Variants in TP63 observed in about 807,000 individuals in gnomAD.
TP63 encodes the protein tumor protein p63, also known as tumor protein 63.
Under a neutral mutation model 82.8 loss-of-function variants are expected in TP63, and 17 were observed. The observed-to-expected ratio is 0.21, with a 90% CI of 0.14 to 0.31. TP63 has a LOEUF of 0.31. Ranked by LOEUF, TP63 falls within the 10% of genes least tolerant of loss-of-function variation. TP63 has a pLI of 1.00. For synonymous variants in TP63, 330 were observed against 321.7 expected, an observed-to-expected ratio of 1.03 and a Z score of -0.28; for missense variants, 648 against 895.3, an observed-to-expected ratio of 0.72 and a Z score of 3.52.
the TP63 span, among the ~76,000 whole-genome samples, chr3:189,618,030 G>A: frequency 2.6e-5 from 4 of 152,186 alleles, no homozygotes; most frequent in Non-Finnish European, 5.9e-5. Context: ...GTCAACAGCA[G>A]TAGGCTGCAT....
chr3:189,759,142 C>T (rs77854268), intron 3 of TP63, among the ~76,000 whole-genome samples: 3,763 of 152,222 alleles, frequency 0.025, 157 homozygotes, highest in African/African-American at 0.085. Context: ...AGTTTAATTC[C>T]GTGGTTCTCA....
At chr3:189,858,680 G>A (rs1406325991) in intron 4 of TP63, among the ~76,000 whole-genome samples, 5 of 152,176 alleles carry the variant, frequency 3.3e-5, no homozygotes, top group African/African-American at 1.2e-4. Flanking sequence ...TCAGGAGGCT[G>A]AAATGGGAGA....
At chr3:189,648,590 GA>G (rs949029902) in intron 1 of TP63, among the ~76,000 whole-genome samples, 1 of 146,858 alleles carries the variant, frequency 6.8e-6, no homozygotes, top group Non-Finnish European at 1.5e-5. Context: ...CAAGCTTATT[GA>G]AAAAAAGAAA....
chr3:189,859,208 G>A (rs769430685), intron 4 of TP63, among the ~76,000 whole-genome samples: 18 of 152,078 alleles, frequency 1.2e-4, no homozygotes, highest in Non-Finnish European at 1.9e-4. Flanking sequence ...ATATAGACAT[G>A]TATCAAAACA....
chr3:189,617,135 C>A, the TP63 span, among the ~76,000 whole-genome samples: 1 of 152,326 alleles, frequency 6.6e-6, no homozygotes, highest in East Asian at 1.9e-4. Context: ...ATCCCCCACC[C>A]TCTGGAATGC....
At chr3:189,617,855 A>G in the TP63 span, among the ~76,000 whole-genome samples, 2 of 152,194 alleles carry the variant, frequency 1.3e-5, no homozygotes, top group South Asian at 4.1e-4. Context: ...AAAAGTGACA[A>G]CTAAGTGGGT....
intron 3 of TP63, among the ~76,000 whole-genome samples, chr3:189,763,579 C>G (rs1722737185): frequency 6.6e-6 from 1 of 152,166 alleles, no homozygotes; most frequent in South Asian, 2.1e-4. Context: ...CTGTAAAGAG[C>G]AGAAATTCTG....
intron 1 of TP63, among the ~76,000 whole-genome samples, chr3:189,646,618 T>A (rs968394041): frequency 6.8e-6 from 1 of 146,676 alleles, no homozygotes; most frequent in Non-Finnish European, 1.5e-5. Context: ...CCCACCACCA[T>A]ACACCTTTCC....
intron 3 of TP63, among the ~76,000 whole-genome samples, chr3:189,769,456 C>CT (rs998049492): frequency 2.6e-5 from 4 of 152,258 alleles, no homozygotes; most frequent in African/African-American, 9.6e-5. Context: ...CAAGCCAGCT[C>CT]TACCATGAGT....
the TP63 span, among the ~76,000 whole-genome samples, chr3:189,603,283 G>A: frequency 2.6e-5 from 4 of 152,044 alleles, no homozygotes; most frequent in Non-Finnish European, 5.9e-5. Context: ...TATGTGCCCA[G>A]GCCAGTCCCT....
At chr3:189,769,056 TG>T (rs984959081) in intron 3 of TP63, among the ~76,000 whole-genome samples, 3 of 152,170 alleles carry the variant, frequency 2.0e-5, no homozygotes, top group Non-Finnish European at 4.4e-5. Flanking sequence ...ATTTGTAAAT[TG>T]TGGATTATAA....
At chr3:189,745,478 G>A (rs1281052279) in intron 3 of TP63, among the ~76,000 whole-genome samples, 2 of 151,904 alleles carry the variant, frequency 1.3e-5, no homozygotes, top group Non-Finnish European at 2.9e-5. Context: ...GGAGGCTGAG[G>A]CGGGCAGATC....
intron 1 of TP63, among the ~76,000 whole-genome samples, chr3:189,676,321 G>A (rs189422274): frequency 1.2e-4 from 18 of 151,800 alleles, no homozygotes; most frequent in East Asian, 7.8e-4. Flanking sequence ...CCCATTTTTC[G>A]TACTCCCAAA....
intron 3 of TP63, among the ~76,000 whole-genome samples, chr3:189,793,895 A>T (rs950995516): frequency 7.9e-5 from 12 of 152,128 alleles, no homozygotes; most frequent in African/African-American, 2.7e-4. Flanking sequence ...ATTATTGTCC[A>T]GTGCCAATTT....
chr3:189,770,955 A>G (rs1374826695), intron 3 of TP63, among the ~76,000 whole-genome samples: 5 of 152,110 alleles, frequency 3.3e-5, no homozygotes, highest in African/African-American at 7.2e-5. Flanking sequence ...TACAGTTTAA[A>G]AAGTCATTTC....
intron 1 of TP63, among the ~76,000 whole-genome samples, chr3:189,703,610 T>G (rs573881205): frequency 6.6e-6 from 1 of 152,270 alleles, no homozygotes; most frequent in East Asian, 1.9e-4. Context: ...TCATTAGAAC[T>G]TTAAATAAAA....
chr3:189,737,108 G>A (rs1276533753), intron 1 of TP63, among the ~76,000 whole-genome samples: 2 of 152,118 alleles, frequency 1.3e-5, no homozygotes, highest in Admixed American at 6.5e-5. Context: ...TTATTATTAA[G>A]TCTAACATGC....
intron 1 of TP63, among the ~76,000 whole-genome samples, chr3:189,666,129 G>A (rs2108661937): frequency 6.6e-6 from 1 of 152,076 alleles, no homozygotes; most frequent in Middle Eastern, 3.4e-3. Flanking sequence ...GTTGTTTATA[G>A]CCATAAGATA....
intron 1 of TP63, among the ~76,000 whole-genome samples, chr3:189,719,053 G>T (rs566849189): frequency 5.3e-5 from 8 of 152,096 alleles, no homozygotes; most frequent in Non-Finnish European, 8.8e-5. Context: ...TTTCTCGGTT[G>T]CCGTAATTGA....
Sources: gnomAD v4.1 joint callset for allele counts (sites outside exome capture counted in the v4.1 genomes callset) on GRCh38, gnomAD v4.1.1 for gene constraint, MANE v1.5 for transcripts, NCBI Gene and HGNC (gene_info 2026-07-23, HGNC 2026-07-21) for gene names.